The following ME3 variants were observed in gnomAD, a reference collection of about 807,000 sequenced individuals.
ME3 encodes malic enzyme 3.
A neutral mutation model predicts 68.9 loss-of-function variants in ME3; 48 were observed. The ratio of observed to expected loss-of-function variants is 0.70; its 90% confidence interval spans 0.55 to 0.89. ME3 has a LOEUF of 0.89. Among genes scored for constraint, ME3 ranks in the 40% least tolerant of loss-of-function variants. ME3 has a pLI of 0.00. For missense variants in ME3, 675 were observed against 797.4 expected (o/e 0.85, Z 1.85); for synonymous variants, 320 against 318.8 (o/e 1.00, Z -0.04).
downstream of ME3, among the ~76,000 whole-genome samples, chr11:86,439,035 C>G (rs1948912227): frequency 6.6e-6 from 1 of 152,150 alleles, no homozygotes. Flanking sequence ...AGGAGTAAGT[C>G]TCTCTTACTC....
chr11:86,574,836 G>C (rs1259135779), intron 2 of ME3, among the ~76,000 whole-genome samples: 1 of 152,200 alleles, frequency 6.6e-6, no homozygotes, highest in African/African-American at 2.4e-5. Flanking sequence ...AAAAAACTCT[G>C]TAAAACAGCT....
chr11:86,488,557 C>A (rs1222870923), intron 6 of ME3, among the ~76,000 whole-genome samples: 1 of 152,178 alleles, frequency 6.6e-6, no homozygotes, highest in Non-Finnish European at 1.5e-5. Flanking sequence ...CCCTCCACCC[C>A]ACCTCCTGCA....
intron 2 of ME3, among the ~76,000 whole-genome samples, chr11:86,655,342 A>G (rs1377899170): frequency 1.3e-5 from 2 of 152,180 alleles, no homozygotes; most frequent in African/African-American, 4.8e-5. Flanking sequence ...ACCTGACTTC[A>G]AACTATACTA....
intron 4 of ME3, among the ~76,000 whole-genome samples, chr11:86,543,511 C>T (rs994869325): frequency 2.0e-5 from 3 of 152,096 alleles, no homozygotes; most frequent in Non-Finnish European, 4.4e-5. Flanking sequence ...ATCCTAGTCT[C>T]TGATAAAACA....
intron 2 of ME3, among the ~76,000 whole-genome samples, chr11:86,560,774 T>TATATATATA: frequency 1.1e-5 from 1 of 86,976 alleles, no homozygotes; most frequent in African/African-American, 4.5e-5. Context: ...ATATATATAT[T>TATATATATA]TCCAGGACCC....
chr11:86,600,324 C>G (rs889033775), intron 2 of ME3, among the ~76,000 whole-genome samples: 1 of 152,070 alleles, frequency 6.6e-6, no homozygotes, highest in South Asian at 2.1e-4. Context: ...AAAACAGACT[C>G]TAAACCAACA....
At chr11:86,564,525 TAA>T (rs890534183) in intron 2 of ME3, among the ~76,000 whole-genome samples, 15 of 149,072 alleles carry the variant, frequency 1.0e-4, no homozygotes, top group Admixed American at 8.0e-4. Flanking sequence ...TGGAATAGAA[TAA>T]AGAGTTCGTA....
chr11:86,602,319 C>A (rs920442925), intron 2 of ME3, among the ~76,000 whole-genome samples: 1 of 149,458 alleles, frequency 6.7e-6, no homozygotes, highest in African/African-American at 2.5e-5. Context: ...AACAGACAAA[C>A]AGAGAGCCAA....
Position 86,587,991 on chromosome 11 carries a change from T to G in ME3, c.184-28168A>C, listed in dbSNP as rs192084336. ...TCAACTTCTTAGAACCTCAATTTTC[T>G]CATCTGTAAAATGGGCTAATAATAC... On this transcript the variant is annotated intron_variant, in intron 2 of 14. Coordinates refer to ENST00000543262, the Ensembl canonical transcript of ME3. 3.1e-3 allele frequency among the ~76,000 whole-genome samples: 466 copies of G among 152,352 alleles called. 2 individuals carry two copies. The highest frequency in any genetic ancestry group is 5.5e-3 in the Non-Finnish European group (373 of 68,032).
rs114477424 is a variant in ME3, at chr11:86,593,205, A to G, written c.184-33382T>C. ...TGATTTCCTCCACCCTCCTTCACTC[A>G]CATAGTAAAAGTTAGCTACTGCCTG... On this transcript the variant is annotated intron_variant, in intron 2 of 14. Transcript: ENST00000543262. Among the ~76,000 whole-genome samples the G allele has an allele frequency of 1.6e-3, 230 of 147,894 alleles. 24 individuals carry two copies. The highest frequency in any genetic ancestry group is 5.6e-3 in the African/African-American group (226 of 40,364).
At chr11:86,655,647 A>G (rs1043939897) in intron 2 of ME3, among the ~76,000 whole-genome samples, 24 of 151,902 alleles carry the variant, frequency 1.6e-4, no homozygotes, top group African/African-American at 5.3e-4. Context: ...TAAAAACCCT[A>G]GAAGAAAACC....
At chr11:86,507,099 C>G (rs640310) in intron 5 of ME3, among the ~76,000 whole-genome samples, 140,493 of 152,290 alleles carry the variant, frequency 0.92, 64,932 homozygotes, top group Non-Finnish European at 0.95. Flanking sequence ...CCCCAACCTG[C>G]TCTGTTTTTA....
intron 6 of ME3, among the ~76,000 whole-genome samples, chr11:86,491,489 A>C (rs1952009312): frequency 6.6e-6 from 1 of 152,196 alleles, no homozygotes; most frequent in Non-Finnish European, 1.5e-5. Flanking sequence ...CTGTGTATAC[A>C]TCTCTAGTCA....
At chr11:86,568,196 C>G (rs568415814) in intron 2 of ME3, among the ~76,000 whole-genome samples, 1 of 152,192 alleles carries the variant, frequency 6.6e-6, no homozygotes, top group Non-Finnish European at 1.5e-5. Flanking sequence ...CGAGGACATG[C>G]TGGTAGGGAC....
In ME3 at chr11:86,556,669, G is replaced by T. The variant is rs74559403; in HGVS notation, c.351C>A (p.Asn117Lys). 12 of 1,613,992 alleles carry T rather than the reference G, an allele frequency of 7.4e-6. No homozygotes were observed. The highest frequency in any genetic ancestry group is 1.3e-5 in the African/African-American group (1 of 74,914). The change falls in exon 4 of 15, where the codon AAC becomes AAA. Residue 117 changes from asparagine (N) to lysine (K), a missense_variant. Transcript: ENST00000543262. ...TCAGCACTCGGTAGAAGAGCTTCTC[G>T]TTCCGGTCTTGGAGTGTCATGAGAA...
At chr11:86,638,793 C>T (rs1282903327) in intron 2 of ME3, among the ~76,000 whole-genome samples, 1 of 152,138 alleles carries the variant, frequency 6.6e-6, no homozygotes, top group African/African-American at 2.4e-5. Context: ...AGTAACCTTC[C>T]CAAGATCACA....
At chr11:86,618,837 G>A (rs990884606) in intron 2 of ME3, among the ~76,000 whole-genome samples, 1 of 151,036 alleles carries the variant, frequency 6.6e-6, no homozygotes, top group African/African-American at 2.4e-5. Context: ...CCTACCTCCC[G>A]AGTAGCTGGG....
At chr11:86,444,780 T>G (rs939096441) in intron 13 of ME3, among the ~76,000 whole-genome samples, 1 of 152,216 alleles carries the variant, frequency 6.6e-6, no homozygotes, top group Admixed American at 6.5e-5. Flanking sequence ...TATATTAATT[T>G]TCCATGGGAA....
intron 2 of ME3, among the ~76,000 whole-genome samples, chr11:86,581,215 T>G (rs1958427112): frequency 6.6e-6 from 1 of 152,218 alleles, no homozygotes; most frequent in Non-Finnish European, 1.5e-5. Flanking sequence ...TTTGCTTGTG[T>G]GTGTATGTGT....
Sources: gnomAD v4.1 joint callset for allele counts (sites outside exome capture counted in the v4.1 genomes callset) on GRCh38, gnomAD v4.1.1 for gene constraint, MANE v1.5 for transcripts, NCBI Gene and HGNC (gene_info 2026-07-23, HGNC 2026-07-21) for gene names.